Variants in CHSY3 observed in about 807,000 individuals in gnomAD.
CHSY3 encodes the protein N-acetylgalactosaminyl-proteoglycan 3-beta-glucuronosyltransferase 3.
CHSY3 carries 35 observed loss-of-function variants against 67.2 expected under a neutral mutation model. The ratio of observed to expected loss-of-function variants is 0.52; its 90% confidence interval spans 0.40 to 0.69. CHSY3 has a LOEUF of 0.69. Ranked by LOEUF, CHSY3 falls within the 30% of genes least tolerant of loss-of-function variation. The probability of loss-of-function intolerance (pLI) is 0.00; values close to 1 mark genes in which losing one functional copy is unlikely to be tolerated. For missense variants in CHSY3, 1,069 were observed against 1,138.5 expected (o/e 0.94, Z 0.88); for synonymous variants, 474 against 434.7 (o/e 1.09, Z -1.12).
At chr5:129,965,125 A>G (rs761155405) in intron 2 of CHSY3, among the ~76,000 whole-genome samples, 14 of 151,944 alleles carry the variant, frequency 9.2e-5, no homozygotes, top group Non-Finnish European at 1.9e-4. Flanking sequence ...TCCAGGGGGA[A>G]GAGGCAAAGA....
At chr5:130,164,209 A>G (rs1769653505) in intron 2 of CHSY3, among the ~76,000 whole-genome samples, 1 of 152,206 alleles carries the variant, frequency 6.6e-6, no homozygotes, top group Non-Finnish European at 1.5e-5. Context: ...TTCCTTGAGG[A>G]TTAATATCGA....
chr5:130,049,240 T>G (rs1287308493), intron 2 of CHSY3, among the ~76,000 whole-genome samples: 1 of 152,112 alleles, frequency 6.6e-6, no homozygotes, highest in Non-Finnish European at 1.5e-5. Context: ...GAGTTGAGAA[T>G]TTTGATTTTC....
At chr5:130,006,310 G>A (rs965641159) in intron 2 of CHSY3, among the ~76,000 whole-genome samples, 1 of 152,148 alleles carries the variant, frequency 6.6e-6, no homozygotes. Flanking sequence ...TGGTGTGAGA[G>A]AGGATAGACT....
At chr5:130,106,925 A>G (rs2149701602) in intron 2 of CHSY3, among the ~76,000 whole-genome samples, 1 of 151,692 alleles carries the variant, frequency 6.6e-6, no homozygotes, top group Non-Finnish European at 1.5e-5. Context: ...CATGTGCTGC[A>G]CAGTCTCAGT....
At chr5:130,045,536 T>A (rs1765122146) in intron 2 of CHSY3, among the ~76,000 whole-genome samples, 1 of 152,000 alleles carries the variant, frequency 6.6e-6, no homozygotes, top group African/African-American at 2.4e-5. Context: ...GACACAAGGA[T>A]GTGGGGCAAG....
intron 2 of CHSY3, among the ~76,000 whole-genome samples, chr5:130,101,109 C>T (rs1767228882): frequency 6.6e-6 from 1 of 152,196 alleles, no homozygotes; most frequent in Non-Finnish European, 1.5e-5. Context: ...CCGTGAAGAG[C>T]TGGCATTCAG....
intron 2 of CHSY3, among the ~76,000 whole-genome samples, chr5:130,167,523 A>G (rs1423983554): frequency 6.6e-6 from 1 of 152,156 alleles, no homozygotes; most frequent in East Asian, 1.9e-4. Context: ...TCTGGAATCT[A>G]TAGTCAGGAA....
intron 2 of CHSY3, among the ~76,000 whole-genome samples, chr5:130,030,411 T>C (rs536269092): frequency 6.6e-6 from 1 of 152,278 alleles, no homozygotes; most frequent in South Asian, 2.1e-4. Flanking sequence ...AAAAATTGTT[T>C]ATCAGGAAGT....
intron 2 of CHSY3, among the ~76,000 whole-genome samples, chr5:130,116,694 C>T (rs191360741): frequency 1.5e-4 from 23 of 152,302 alleles, no homozygotes; most frequent in African/African-American, 4.8e-4. Flanking sequence ...TGAGATCCCA[C>T]AGAGCCCATC....
chr5:130,125,678 A>G (rs991852928), intron 2 of CHSY3, among the ~76,000 whole-genome samples: 2 of 152,212 alleles, frequency 1.3e-5, no homozygotes, highest in African/African-American at 4.8e-5. Flanking sequence ...ACCCAAATCT[A>G]TACATGACTG....
intron 2 of CHSY3, among the ~76,000 whole-genome samples, chr5:129,995,428 GT>G (rs1763506047): frequency 6.6e-6 from 1 of 151,574 alleles, no homozygotes; most frequent in Non-Finnish European, 1.5e-5. Flanking sequence ...GAAGGTCTTA[GT>G]TTTAATAAAG....
At chr5:130,026,963 G>A (rs1452242404) in intron 2 of CHSY3, among the ~76,000 whole-genome samples, 1 of 152,120 alleles carries the variant, frequency 6.6e-6, no homozygotes, top group Non-Finnish European at 1.5e-5. Context: ...AGTGGGGAGT[G>A]GGATGCCTAG....
chr5:130,097,955 G>C lies in CHSY3; in HGVS notation c.1087-86274G>C, dbSNP rs553962895. ...GGAGGCAGAGCTTGCAGTGAGCCGAGATCGCGCCCCTGCACTCCAGCCTGG... is the reference window on the plus strand; with the variant it reads ...GGAGGCAGAGCTTGCAGTGAGCCGACATCGCGCCCCTGCACTCCAGCCTGG... On this transcript the variant is annotated intron_variant, in intron 2 of 2. Transcript: ENST00000305031. Among the ~76,000 whole-genome samples the C allele has an allele frequency of 2.0e-5, 3 of 152,240 alleles. No homozygotes were observed. In the East Asian group the frequency reaches 5.8e-4, roughly 30 times the overall value.
rs146711024 is a variant in CHSY3, at chr5:130,040,611, T to C, written c.1086+132251T>C. Among the ~76,000 whole-genome samples the C allele has an allele frequency of 9.4e-3, 1,437 of 152,208 alleles. 21 individuals are homozygous for C. Among genetic ancestry groups the C allele is most frequent in the African/African-American group, 0.032 (1,347 of 41,524 alleles). ...CTTTCAATATTATGTCATGTACAGC[T>C]GTAAATAATAACTTGCAACTATAGT... On this transcript the variant is annotated intron_variant, in intron 2 of 2. Transcript: ENST00000305031.
At chr5:129,937,021 TTC>T (rs1278092920) in intron 2 of CHSY3, among the ~76,000 whole-genome samples, 1 of 152,182 alleles carries the variant, frequency 6.6e-6, no homozygotes, top group Non-Finnish European at 1.5e-5. Flanking sequence ...TCATTTGGAG[TTC>T]TCTCTCTTTC....
At chr5:130,123,059 G>A (rs1417780661) in intron 2 of CHSY3, among the ~76,000 whole-genome samples, 2 of 130,992 alleles carry the variant, frequency 1.5e-5, no homozygotes, top group Non-Finnish European at 3.1e-5. Context: ...TATGACCCCT[G>A]CCTCCATAAG....
At chr5:129,906,417 G>T (rs1321556898) in intron 1 of CHSY3, among the ~76,000 whole-genome samples, 6 of 152,214 alleles carry the variant, frequency 3.9e-5, no homozygotes, top group Non-Finnish European at 7.3e-5. Flanking sequence ...ACAGCAGACT[G>T]TACTAGCACA....
At chr5:129,979,538 G>A (rs1163184053) in intron 2 of CHSY3, among the ~76,000 whole-genome samples, 2 of 152,040 alleles carry the variant, frequency 1.3e-5, no homozygotes, top group African/African-American at 4.8e-5. Context: ...CAGGAGCATA[G>A]CCTCCGCATT....
intron 2 of CHSY3, among the ~76,000 whole-genome samples, chr5:130,117,926 G>T (rs902682051): frequency 1.3e-5 from 2 of 152,154 alleles, no homozygotes; most frequent in South Asian, 2.1e-4. Flanking sequence ...GGTGGGAGGG[G>T]ATTGGACCAT....
Sources: gnomAD v4.1 joint callset for allele counts (sites outside exome capture counted in the v4.1 genomes callset) on GRCh38, gnomAD v4.1.1 for gene constraint, MANE v1.5 for transcripts, NCBI Gene and HGNC (gene_info 2026-07-23, HGNC 2026-07-21) for gene names.